Variants in TRAK1 observed in about 807,000 individuals in gnomAD.
The protein encoded by TRAK1 is trafficking kinesin protein 1.
A neutral mutation model predicts 92.1 loss-of-function variants in TRAK1; 33 were observed. The ratio of observed to expected loss-of-function variants is 0.36; its 90% CI spans 0.27 to 0.48. TRAK1 has a LOEUF of 0.48. TRAK1 is among the 20% of genes least tolerant of loss of function. The pLI is 0.99. For synonymous variants in TRAK1, 521 were observed against 517.3 expected (o/e 1.01, Z -0.10); for missense variants, 1,123 against 1,257.9 (o/e 0.89, Z 1.62).
At chr3:42,195,383 A>G (rs1223942094) in intron 10 of TRAK1, among the ~76,000 whole-genome samples, 1 of 152,264 alleles carries the variant, frequency 6.6e-6, no homozygotes, top group East Asian at 1.9e-4. Context: ...AGCAAACTCA[A>G]GAACTCCTGT....
intron 14 of TRAK1, chr3:42,211,518 G>C: frequency 1.0e-6 from 1 of 985,352 alleles, no homozygotes; most frequent in Non-Finnish European, 1.2e-6. Flanking sequence ...GAAGGCAGGT[G>C]GTGGTGCAGA....
At chr3:42,171,276 G>A (rs1163601446) in intron 2 of TRAK1, among the ~76,000 whole-genome samples, 1 of 152,128 alleles carries the variant, frequency 6.6e-6, no homozygotes, top group Non-Finnish European at 1.5e-5. Flanking sequence ...ATCAATGGGA[G>A]GAATGTTACC....
At chr3:42,175,239 TG>T (rs1218991654) in intron 2 of TRAK1, among the ~76,000 whole-genome samples, 1 of 152,096 alleles carries the variant, frequency 6.6e-6, no homozygotes, top group African/African-American at 2.4e-5. Context: ...GCGTGCTGGC[TG>T]GGGGGCCCCA....
At chr3:42,034,024 G>T (rs1318930526) in intron 1 of TRAK1, among the ~76,000 whole-genome samples, 2 of 152,124 alleles carry the variant, frequency 1.3e-5, no homozygotes, top group Non-Finnish European at 2.9e-5. Context: ...TCATCTCCTG[G>T]AGTTACCTGT....
intron 1 of TRAK1, among the ~76,000 whole-genome samples, chr3:42,042,663 GCCCAGCC>G (rs1702594206): frequency 1.4e-5 from 2 of 144,282 alleles, no homozygotes; most frequent in South Asian, 2.1e-4. Context: ...GAGCCACCGC[GCCCAGCC>G]TGGAACTTTT....
At chr3:42,038,414 T>A (rs1702404034) in intron 1 of TRAK1, among the ~76,000 whole-genome samples, 2 of 152,176 alleles carry the variant, frequency 1.3e-5, no homozygotes, top group Non-Finnish European at 2.9e-5. Context: ...AACCTCAACC[T>A]CTCTGGCTCA....
intron 1 of TRAK1, among the ~76,000 whole-genome samples, chr3:42,120,186 G>T (rs1709668696): frequency 6.6e-6 from 1 of 152,204 alleles, no homozygotes; most frequent in Non-Finnish European, 1.5e-5. Flanking sequence ...GTTGAGCCTG[G>T]CCTTTTGATG....
intron 15 of TRAK1, among the ~76,000 whole-genome samples, chr3:42,222,268 G>A (rs1369059704): frequency 3.3e-5 from 5 of 151,246 alleles, no homozygotes; most frequent in East Asian, 3.9e-4. Flanking sequence ...ATGTCTCCCC[G>A]CGACCCTCTA....
chr3:42,204,743 C>T (rs1708130282), intron 13 of TRAK1, among the ~76,000 whole-genome samples: 5 of 152,156 alleles, frequency 3.3e-5, no homozygotes. Flanking sequence ...CACCACCACA[C>T]CTGGCTAATT....
At chr3:42,159,430 C>A (rs916576200) in intron 2 of TRAK1, among the ~76,000 whole-genome samples, 3 of 152,186 alleles carry the variant, frequency 2.0e-5, no homozygotes, top group Non-Finnish European at 2.9e-5. Context: ...GATGGAAGAA[C>A]CTGCCGTTCT....
chr3:42,068,352 G>T (rs1703770267), intron 1 of TRAK1, among the ~76,000 whole-genome samples: 1 of 152,072 alleles, frequency 6.6e-6, no homozygotes, highest in African/African-American at 2.4e-5. Flanking sequence ...CTTTTGTAGA[G>T]ACTGAGTTTC....
intron 3 of TRAK1, among the ~76,000 whole-genome samples, chr3:42,182,477 G>A (rs1704162394): frequency 6.6e-6 from 1 of 151,948 alleles, no homozygotes; most frequent in Admixed American, 6.6e-5. Flanking sequence ...ATTTTTAGCA[G>A]AGACGGGGTT....
At chr3:42,221,919 C>T (rs1278795087) in intron 15 of TRAK1, 1 of 151,754 alleles carries the variant, frequency 6.6e-6, no homozygotes, top group Non-Finnish European at 1.5e-5. Flanking sequence ...GCCGTGACGA[C>T]TTGAGATAGA....
intron 2 of TRAK1, among the ~76,000 whole-genome samples, chr3:42,138,384 T>C (rs901217802): frequency 1.3e-5 from 2 of 152,192 alleles, no homozygotes; most frequent in African/African-American, 4.8e-5. Flanking sequence ...GGGCGTTGTA[T>C]TGAATAGGTG....
chr3:42,059,460 A>G (rs758191804), intron 1 of TRAK1, among the ~76,000 whole-genome samples: 5 of 152,272 alleles, frequency 3.3e-5, no homozygotes, highest in Admixed American at 2.6e-4. Context: ...GATAGTCTTT[A>G]TGAATTCTAA....
In TRAK1 at chr3:42,108,196, A is replaced by G. The variant is rs1384050646; in HGVS notation, c.91+16636A>G. Among the ~76,000 whole-genome samples the G allele has an allele frequency of 2.6e-5, 4 of 152,110 alleles. No homozygotes were observed. In the East Asian group the frequency reaches 7.7e-4, roughly 29 times the overall value. On this transcript the variant is annotated intron_variant, in intron 1 of 15. Transcript: ENST00000327628. ...TACCATGTCTCCTTGACTATAATTA[A>G]AAATATGATGCAGGCTGGGGGCAGT...
At chr3:42,096,163 T>C (rs1705879516) in intron 1 of TRAK1, among the ~76,000 whole-genome samples, 1 of 152,260 alleles carries the variant, frequency 6.6e-6, no homozygotes, top group Admixed American at 6.5e-5. Flanking sequence ...TATTTCTTTT[T>C]AGAAGAAGCA....
intron 1 of TRAK1, among the ~76,000 whole-genome samples, chr3:42,070,516 C>A (rs567580625): frequency 6.6e-6 from 1 of 152,070 alleles, no homozygotes; most frequent in African/African-American, 2.4e-5. Context: ...CAGCCTTGAA[C>A]TCCTGGGCTA....
In TRAK1 at chr3:42,209,963, A is replaced by G; in HGVS notation, c.1941A>G (p.Pro647=). The change falls in exon 14 of 16, where the codon CCA becomes CCG. Residue 647 remains proline, a synonymous_variant. Transcript: ENST00000327628. ...TCCCACGCCTAGCTACCTCCACTCCAGTTCAGCACCCAGAGACCTCAGGTG... is the reference window on the plus strand; with the variant it reads ...TCCCACGCCTAGCTACCTCCACTCCGGTTCAGCACCCAGAGACCTCAGGTG... ...ISLPRLATST[P]VQHPETSAHH... The G allele has an allele frequency of 6.2e-7, 1 of 1,614,202 alleles. No individual in the cohort carries two copies. Among genetic ancestry groups the G allele is most frequent in the South Asian group, 1.1e-5 (1 of 91,086 alleles).
Sources: gnomAD v4.1 joint callset for allele counts (sites outside exome capture counted in the v4.1 genomes callset) on GRCh38, gnomAD v4.1.1 for gene constraint, MANE v1.5 for transcripts, NCBI Gene and HGNC (gene_info 2026-07-23, HGNC 2026-07-21) for gene names.